The following PDE10A variants were observed in gnomAD, a reference collection of about 807,000 sequenced individuals.
PDE10A encodes phosphodiesterase 10A.
A neutral mutation model predicts 97.7 loss-of-function variants in PDE10A; 39 were observed. That is an observed-to-expected ratio of 0.40 (90% CI 0.31 to 0.52). The LOEUF is 0.52. Ranked by LOEUF, PDE10A falls within the 20% of genes least tolerant of loss-of-function variation. The pLI, the probability that PDE10A is intolerant of heterozygous loss-of-function variation, is 0.56. For synonymous variants in PDE10A, 371 were observed against 376.8 expected (o/e 0.98, Z 0.18); for missense variants, 731 against 1,047.8 (o/e 0.70, Z 4.17).
At chr6:165,490,032 T>C (rs1583394433) in intron 2 of PDE10A, among the ~76,000 whole-genome samples, 1 of 152,140 alleles carries the variant, frequency 6.6e-6, no homozygotes, top group South Asian at 2.1e-4. Context: ...GAGGGAACAA[T>C]TGAGGAAAAC....
At chr6:165,915,657 C>T (rs142438064) in intron 1 of PDE10A, among the ~76,000 whole-genome samples, 17 of 152,356 alleles carry the variant, frequency 1.1e-4, no homozygotes, top group African/African-American at 3.6e-4. Context: ...GTGAGCACCC[C>T]TGGGCATTGC....
chr6:165,337,829 C>T (rs1781739562), intron 20 of PDE10A, among the ~76,000 whole-genome samples: 2 of 152,104 alleles, frequency 1.3e-5, no homozygotes, highest in African/African-American at 4.8e-5. Flanking sequence ...CTGTTAACTA[C>T]TGGGAAGGAA....
At chr6:165,957,542 C>A (rs1319578316) in intron 1 of PDE10A, among the ~76,000 whole-genome samples, 5 of 152,254 alleles carry the variant, frequency 3.3e-5, no homozygotes, top group African/African-American at 9.6e-5. Flanking sequence ...ATAATTACAA[C>A]TAACGTTTTC....
intron 1 of PDE10A, among the ~76,000 whole-genome samples, chr6:165,598,846 G>A (rs1013381398): frequency 2.6e-5 from 4 of 152,134 alleles, no homozygotes; most frequent in African/African-American, 9.7e-5. Context: ...CTTGCCAGCC[G>A]CTGGGAGGCT....
chr6:165,456,113 C>CCT lies in PDE10A; in HGVS notation c.1024-5753_1024-5752dup. On this transcript the variant is annotated intron_variant, in intron 3 of 21. Coordinates refer to ENST00000539869, the MANE Select transcript of PDE10A (RefSeq NM_001385079.1). ...GATAAAATATGCTACTCTATCATACCCTCTCTCTTCCTTACTTATTCCACT... is the reference window on the plus strand; with the variant it reads ...GATAAAATATGCTACTCTATCATACCCTCTCTCTCTTCCTTACTTATTCCACT... Among the ~76,000 whole-genome samples the CCT allele has an allele frequency of 2.6e-5, 4 of 152,162 alleles. No individual in the cohort carries two copies. The South Asian group carries it at 8.3e-4, about 32-fold the overall frequency.
chr6:165,818,896 G>A (rs992441406), intron 1 of PDE10A, among the ~76,000 whole-genome samples: 9 of 152,144 alleles, frequency 5.9e-5, no homozygotes, highest in African/African-American at 1.9e-4. Flanking sequence ...AGCAGGTGTT[G>A]GGTTTCAAAT....
At position 165,450,254 on chromosome 6, in the gene PDE10A, T is replaced by C; in HGVS notation, c.1132A>G (p.Ile378Val). ...NQLLLYELSS[I>V]IKIATKADGF... ...AAATGCTTCTTACCTATTTTAATGA[T>C]GCTGCTCAGTTCATAGAGGAGTAGC... Residue 378 changes from isoleucine to valine, a missense_variant, in exon 4 of 22, where the codon ATC becomes GTC. Coordinates refer to ENST00000539869, the MANE Select transcript of PDE10A (RefSeq NM_001385079.1). The C allele has an allele frequency of 6.3e-7, 1 of 1,591,420 alleles. No homozygotes were observed. The highest frequency in any genetic ancestry group is 2.3e-5 in the East Asian group (1 of 44,368).
intron 1 of PDE10A, among the ~76,000 whole-genome samples, chr6:165,951,148 C>T (rs1783944872): frequency 6.6e-6 from 1 of 152,188 alleles, no homozygotes. Context: ...GGGGAGGGAT[C>T]TGAAAAACTA....
At chr6:165,435,435 G>A in intron 5 of PDE10A, 58 bp from the exon 6 acceptor site, 1 of 1,422,206 alleles carries the variant, frequency 7.0e-7, no homozygotes. Context: ...AGTACAAAAA[G>A]ACACACGTGA....
chr6:165,695,321 T>C (rs1791417322), intron 1 of PDE10A, among the ~76,000 whole-genome samples: 1 of 151,250 alleles, frequency 6.6e-6, no homozygotes, highest in African/African-American at 2.5e-5. Context: ...CAAGACAATC[T>C]ATCAAAATCT....
intron 1 of PDE10A, among the ~76,000 whole-genome samples, chr6:165,825,268 C>T (rs931466495): frequency 1.3e-5 from 2 of 152,072 alleles, no homozygotes; most frequent in African/African-American, 2.4e-5. Context: ...CTCACACAAG[C>T]CCAGGGGTGT....
At position 165,676,326 on chromosome 6, in the gene PDE10A, C is replaced by T. The variant is rs145108380; in HGVS notation, c.-614-132758G>A. On this transcript the variant is annotated intron_variant, in intron 1 of 19. Coordinates refer to the PDE10A transcript ENST00000366882. ...GGCCACACTAAAGTCCAGACTTCAC[C>T]ACTATGCACCATTTCCATGTAACAT... 6.1e-3 allele frequency among the ~76,000 whole-genome samples: 936 copies of T among 152,302 alleles called. 7 individuals carry two copies. Among genetic ancestry groups the T allele is most frequent in the African/African-American group, 0.021 (885 of 41,566 alleles).
At chr6:165,378,985 G>T (rs1784778384) in intron 18 of PDE10A, among the ~76,000 whole-genome samples, 1 of 152,130 alleles carries the variant, frequency 6.6e-6, no homozygotes, top group Admixed American at 6.6e-5. Context: ...TCTGTATTTT[G>T]ATTATCCTCA....
chr6:165,726,739 G>A (rs1792306557), intron 1 of PDE10A, among the ~76,000 whole-genome samples: 1 of 152,224 alleles, frequency 6.6e-6, no homozygotes, highest in African/African-American at 2.4e-5. Flanking sequence ...CCGGCCATCT[G>A]CGGGCACCGG....
In PDE10A at chr6:165,327,568, G is replaced by C. The variant is rs1198731403; in HGVS notation, c.*5457C>G. The C allele has an allele frequency of 9.2e-5, 14 of 152,018 alleles. No individual in the cohort carries two copies. Among genetic ancestry groups the C allele is most frequent in the Admixed American group, 3.3e-4 (5 of 15,264 alleles). 9.4% of individuals were successfully genotyped at this position (152,018 alleles called of 1,614,324 possible). ...ACTGTTCTATTATACAAACATAACA[G>C]TAAATGTTTTTTAAATACAAAGACT... On this transcript the variant is annotated 3_prime_UTR_variant, in exon 22 of 22. Coordinates refer to ENST00000539869, the MANE Select transcript of PDE10A (RefSeq NM_001385079.1).
chr6:165,774,479 TA>T (rs1562729888), intron 1 of PDE10A, among the ~76,000 whole-genome samples: 1 of 147,978 alleles, frequency 6.8e-6, no homozygotes, highest in African/African-American at 2.4e-5. Flanking sequence ...ATATAATATA[TA>T]AAAATATGTA....
At chr6:165,773,992 A>G (rs1472110955) in intron 1 of PDE10A, among the ~76,000 whole-genome samples, 2 of 152,068 alleles carry the variant, frequency 1.3e-5, no homozygotes, top group African/African-American at 4.8e-5. Flanking sequence ...AAAGACTTCC[A>G]TCAAAACTTT....
chr6:165,579,328 A>G (rs1011019218), intron 1 of PDE10A, among the ~76,000 whole-genome samples: 17 of 152,356 alleles, frequency 1.1e-4, no homozygotes, highest in Admixed American at 9.1e-4. Flanking sequence ...AGTCAGTCCC[A>G]CTGCAGCAGT....
intron 1 of PDE10A, among the ~76,000 whole-genome samples, chr6:165,593,960 G>A (rs1786432626): frequency 6.6e-6 from 1 of 152,172 alleles, no homozygotes; most frequent in South Asian, 2.1e-4. Flanking sequence ...AACCTATAAT[G>A]TATAAGCTTT....
Sources: allele counts gnomAD v4.1 joint callset (sites outside exome capture counted in the v4.1 genomes callset), GRCh38; gene constraint gnomAD v4.1.1; transcripts MANE v1.5; gene names NCBI Gene and HGNC (gene_info 2026-07-23, HGNC 2026-07-21).